PKM: variants seen among roughly 807,000 people sequenced by gnomAD.
PKM encodes pyruvate kinase PKM.
Under a neutral mutation model 49.8 loss-of-function variants are expected in PKM, and 18 were observed. That is an observed-to-expected ratio of 0.36 (90% confidence interval 0.25 to 0.54). PKM has a LOEUF of 0.54. Among genes scored for constraint, PKM ranks in the 20% least tolerant of loss-of-function variants. The pLI is 0.89. For synonymous variants in PKM, 239 were observed against 261.8 expected (o/e 0.91, Z 0.84); for missense variants, 508 against 713.8 (o/e 0.71, Z 3.28).
At position 72,209,689 on chromosome 15, in the gene PKM, G is replaced by T. The variant is rs753795950; in HGVS notation, c.549C>A (p.Leu183=). 6.2e-7 allele frequency: 1 copy of T among 1,613,470 alleles called. No individual in the cohort carries two copies. Among genetic ancestry groups the T allele is most frequent in the Non-Finnish European group, 8.5e-7 (1 of 1,179,832 alleles). The change falls in exon 5 of 11, where the codon CTC becomes CTA. Residue 183 remains leucine (L), a synonymous_variant. Coordinates refer to ENST00000335181, the MANE Select transcript of PKM (RefSeq NM_002654.6). ...CATACGTACCTTTCTGCTTCACCTG[G>T]AGAGAAATAAGCCCATCATCCACGT... is the stretch of plus-strand genomic sequence containing the variant. ...KIYVDDGLIS[L]QVKQKGADFL...
Position 72,199,298 on chromosome 15 carries a change from G to A in PKM, c.*352C>T. On this transcript the variant is annotated 3_prime_UTR_variant, in exon 11 of 11. Transcript: ENST00000335181. ...GGCTGTTTCTTGACCCCAAGCCAGG[G>A]TTGGGAGTCCTCTGGGCATCCATTT... The A allele has an allele frequency of 4.8e-6, 2 of 417,712 alleles. No homozygotes were observed. The highest frequency in any genetic ancestry group is 3.9e-5 in the South Asian group (2 of 51,106). The allele number at this position is 417,712 out of a possible 1,614,324, so 25.9% of individuals were successfully genotyped here.
In PKM at chr15:72,218,890, G is replaced by C; in HGVS notation, c.154+54C>G. ...ACATTTAGTTACTCTTTTCAGGAGAGAAAGGTCACTGCCCATGAAGCCCTT... is the reference window on the plus strand; with the variant it reads ...ACATTTAGTTACTCTTTTCAGGAGACAAAGGTCACTGCCCATGAAGCCCTT... On this transcript the variant is annotated intron_variant, in intron 2 of 10. Coordinates refer to ENST00000335181, the MANE Select transcript of PKM (RefSeq NM_002654.6). 7 of 1,575,794 alleles carry C rather than the reference G, an allele frequency of 4.4e-6. No homozygotes were observed. In the South Asian group the frequency reaches 7.8e-5, roughly 18 times the overall value.
intron 3 of PKM, among the ~76,000 whole-genome samples, chr15:72,212,664 T>C (rs2082283624): frequency 6.6e-6 from 1 of 152,170 alleles, no homozygotes; most frequent in Non-Finnish European, 1.5e-5. Context: ...GTGTACTGAG[T>C]TCCACTACAG....
chr15:72,228,696 C>G (rs2082757508), intron 1 of PKM: 1 of 1,129,772 alleles, frequency 8.9e-7, no homozygotes, highest in Non-Finnish European at 1.2e-6. Flanking sequence ...ACAAGACAGC[C>G]CACTCCTGCC....
intron 8 of PKM, among the ~76,000 whole-genome samples, chr15:72,205,924 C>T (rs534011431): frequency 1.3e-5 from 2 of 152,284 alleles, no homozygotes; most frequent in African/African-American, 4.8e-5. Flanking sequence ...GAGCCTCCAA[C>T]CCTGAGCAGT....
At chr15:72,223,243 TCCA>T (rs1446759939) in intron 1 of PKM, among the ~76,000 whole-genome samples, 2 of 152,096 alleles carry the variant, frequency 1.3e-5, no homozygotes, top group Admixed American at 6.6e-5. Flanking sequence ...CACGCTTCAC[TCCA>T]CCAATTCTTC....
Position 72,199,540 on chromosome 15 carries a change from T to C in PKM, c.*110A>G, listed in dbSNP as rs1399006509. The stretch of plus-strand genomic sequence containing the variant: ...GATCTTCTTCCCTGGTGTCCCAACC[T>C]ACCAGTGCCACGTTACAGCCCAGAG... On this transcript the variant is annotated 3_prime_UTR_variant, in exon 11 of 11. Transcript: ENST00000335181. The C allele has an allele frequency of 5.1e-6, 4 of 779,890 alleles. No homozygotes were observed. The highest frequency in any genetic ancestry group is 9.1e-6 in the Non-Finnish European group (4 of 439,048). 48.3% of individuals were successfully genotyped at this position (779,890 alleles called of 1,614,324 possible).
chr15:72,218,734 T>A (rs1428519516), intron 2 of PKM, among the ~76,000 whole-genome samples: 1 of 152,148 alleles, frequency 6.6e-6, no homozygotes, highest in Non-Finnish European at 1.5e-5. Flanking sequence ...AATTTTGAAA[T>A]GTCTAATACT....
intron 1 of PKM, among the ~76,000 whole-genome samples, chr15:72,225,127 G>A (rs779174854): frequency 4.5e-4 from 65 of 144,406 alleles, no homozygotes; most frequent in Admixed American, 1.9e-3. Flanking sequence ...TAGTACAGAC[G>A]GGGTTTCACC....
chr15:72,226,890 A>G (rs2082685969), intron 1 of PKM, among the ~76,000 whole-genome samples: 1 of 152,234 alleles, frequency 6.6e-6, no homozygotes, highest in Admixed American at 6.5e-5. Flanking sequence ...GCAGACAAGC[A>G]CAAACCACTG....
chr15:72,229,955 C>A lies in PKM; in HGVS notation c.-14+1161G>T, dbSNP rs369519976. Among the ~76,000 whole-genome samples the A allele has an allele frequency of 4.0e-5, 6 of 151,756 alleles. No individual in the cohort carries two copies. The South Asian group carries it at 1.2e-3, about 31-fold the overall frequency. On this transcript the variant is annotated intron_variant, in intron 1 of 10. Coordinates refer to ENST00000335181, the MANE Select transcript of PKM (RefSeq NM_002654.6). ...GAAAAAAGAAAGGAAAAGAAAGAAACGTGCCGGAGAGGCGCGGAACGGGCG... is the reference window on the plus strand; with the variant it reads ...GAAAAAAGAAAGGAAAAGAAAGAAAAGTGCCGGAGAGGCGCGGAACGGGCG...
chr15:72,206,286 A>G (rs1220174880), intron 8 of PKM: 3 of 195,946 alleles, frequency 1.5e-5, no homozygotes, highest in Non-Finnish European at 3.2e-5. Context: ...AGGGAACTGA[A>G]TTGGAAGCCA....
In PKM at chr15:72,202,638, GT is replaced by G. The variant is rs1275410522; in HGVS notation, c.1141-19del. On this transcript the variant is annotated intron_variant, in intron 8 of 10. Transcript: ENST00000335181. The surrounding 1 kb of genome is among the most constrained non-coding windows in gnomAD (Gnocchi z 4.5). ...CGGGCAATCTAGGGGAGCAACATCC[GT>G]CCAGAGGGACGAGAGGGGGACAGAG... 1.2e-6 allele frequency: 2 copies of G among 1,608,388 alleles called. No homozygotes were observed. Among genetic ancestry groups the G allele is most frequent in the Non-Finnish European group, 1.7e-6 (2 of 1,176,576 alleles).
At chr15:72,224,985 G>C (rs1161279819) in intron 1 of PKM, among the ~76,000 whole-genome samples, 4 of 138,654 alleles carry the variant, frequency 2.9e-5, no homozygotes, top group Non-Finnish European at 6.1e-5. Context: ...GCACTGGCGC[G>C]ATCTCAGCTC....
chr15:72,229,516 C>G (rs936235144), intron 1 of PKM: 2 of 1,260,046 alleles, frequency 1.6e-6, no homozygotes, highest in African/African-American at 3.1e-5. Flanking sequence ...GTCTGGAGTA[C>G]GTAGATTAAG....
intron 3 of PKM, among the ~76,000 whole-genome samples, chr15:72,212,809 C>T (rs866158855): frequency 2.0e-5 from 3 of 152,248 alleles, no homozygotes; most frequent in South Asian, 4.2e-4. Flanking sequence ...CAGTGGCTCA[C>T]GCCTGTAATC....
At chr15:72,231,033 C>T (rs746405195) in intron 1 of PKM, 83 bp downstream of exon 1, 6 of 1,116,822 alleles carry the variant, frequency 5.4e-6, no homozygotes, top group South Asian at 2.6e-5. Context: ...GTGCCCGGGG[C>T]CGGCCGGCGC....
intron 3 of PKM, among the ~76,000 whole-genome samples, chr15:72,211,637 C>T (rs546530597): frequency 6.6e-6 from 1 of 151,840 alleles, no homozygotes; most frequent in African/African-American, 2.4e-5. Context: ...GGCAACATGG[C>T]GAAACCTCGT....
intron 1 of PKM, among the ~76,000 whole-genome samples, chr15:72,223,051 ACT>A (rs2140780447): frequency 7.6e-6 from 1 of 131,928 alleles, no homozygotes; most frequent in African/African-American, 2.9e-5. Context: ...ACAGGGTTTC[ACT>A]CTGTCACCCA....
Sources: allele counts gnomAD v4.1 joint callset (sites outside exome capture counted in the v4.1 genomes callset), GRCh38; gene constraint gnomAD v4.1.1; non-coding constraint Gnocchi (gnomAD v3.1); transcripts MANE v1.5; gene names NCBI Gene and HGNC (gene_info 2026-07-23, HGNC 2026-07-21).